The following FOXJ1 variants were observed in gnomAD, a reference collection of about 807,000 sequenced individuals.
The protein encoded by FOXJ1 is forkhead box protein J1.
FOXJ1 carries 8 observed loss-of-function variants against 29.3 expected under a neutral mutation model. That is an observed-to-expected ratio of 0.27 (90% CI 0.16 to 0.49). The LOEUF (loss-of-function observed/expected upper bound fraction) is 0.49, where lower values mean the gene tolerates loss of function less well. FOXJ1 is among the 20% of genes least tolerant of loss of function. The pLI, the probability that FOXJ1 is intolerant of heterozygous loss-of-function variation, is 0.98. For synonymous variants in FOXJ1, 280 were observed against 278.7 expected, an observed-to-expected ratio of 1.00 and a Z score of -0.05; for missense variants, 539 against 595.5, an observed-to-expected ratio of 0.91 and a Z score of 0.99.
Position 76,137,338 on chromosome 17 carries a change from G to T in FOXJ1, c.*15C>A. 1 of 1,469,668 alleles carries T rather than the reference G, an allele frequency of 6.8e-7. No homozygotes were observed. 91.0% of individuals were successfully genotyped at this position (1,469,668 alleles called of 1,614,324 possible). ...GACTTGGGCACTGTCCAGAGGTGGG[G>T]CAGGGCCTGGCCTCTTACAAGAAGG... On this transcript the variant is annotated 3_prime_UTR_variant, in exon 3 of 3. Coordinates refer to ENST00000322957, the MANE Select transcript of FOXJ1 (RefSeq NM_001454.4). This position sits in a 1 kb window ranked among gnomAD's most constrained non-coding sequence, Gnocchi z 9.5.
Position 76,137,089 on chromosome 17 carries a change from G to A in FOXJ1, c.*264C>T, listed in dbSNP as rs558612771. On this transcript the variant is annotated 3_prime_UTR_variant, in exon 3 of 3. Transcript: ENST00000322957. This position sits in a 1 kb window ranked among gnomAD's most constrained non-coding sequence, Gnocchi z 9.5. ...TCCTTTAGCCGGTTTCTGGGGCTGG[G>A]AAGACGCGGAGCAATGAAACACTGT... 2,134 of 368,698 alleles carry A rather than the reference G, an allele frequency of 5.8e-3. 18 individuals carry two copies. The highest frequency in any genetic ancestry group is 0.011 in the Middle Eastern group (16 of 1,454). 22.8% of individuals were successfully genotyped at this position (368,698 alleles called of 1,614,324 possible).
At chr17:76,138,699 T>G (rs992647118) in intron 2 of FOXJ1, among the ~76,000 whole-genome samples, 13 of 152,008 alleles carry the variant, frequency 8.6e-5, no homozygotes, top group African/African-American at 3.1e-4. Flanking sequence ...CCAGGCTCAG[T>G]TGATTATTAC....
In FOXJ1 at chr17:76,137,836, C is replaced by A; in HGVS notation, c.783G>T (p.Ala261=). 2 of 1,594,004 alleles carry A rather than the reference C, an allele frequency of 1.3e-6. No homozygotes were observed. The highest frequency in any genetic ancestry group is 2.3e-5 in the East Asian group (1 of 44,012). ...LREFEEATGE[A]GWGAGEGRLG... ...GCCTGCCCTCGCCTGCACCCCAGCCCGCCTCCCCGGTGGCCTCCTCGAACT... is the reference window on the plus strand; with the variant it reads ...GCCTGCCCTCGCCTGCACCCCAGCCAGCCTCCCCGGTGGCCTCCTCGAACT... Residue 261 remains alanine, a synonymous_variant, in exon 3 of 3, where the codon GCG becomes GCT. Coordinates refer to ENST00000322957, the MANE Select transcript of FOXJ1 (RefSeq NM_001454.4). This position sits in a 1 kb window ranked among gnomAD's most constrained non-coding sequence, Gnocchi z 9.5.
In FOXJ1 at chr17:76,139,353, C is replaced by G. The variant is rs1301740083; in HGVS notation, c.498+545G>C. ...TAGGAAGGCCCCTTACCCCCTCCAC[C>G]CTCCATTGGGACACACCTGGCCCTC... On this transcript the variant is annotated intron_variant, in intron 2 of 2. Transcript: ENST00000322957. The surrounding 1 kb of genome is among the most constrained non-coding windows in gnomAD (Gnocchi z 6.6). 6.6e-6 allele frequency among the ~76,000 whole-genome samples: 1 copy of G among 152,204 alleles called. No individual in the cohort carries two copies. Among genetic ancestry groups the G allele is most frequent in the Non-Finnish European group, 1.5e-5 (1 of 68,026 alleles).
chr17:76,139,537 T>C lies in FOXJ1; in HGVS notation c.498+361A>G, dbSNP rs150582855. On this transcript the variant is annotated intron_variant, in intron 2 of 2. Transcript: ENST00000322957. This position sits in a 1 kb window ranked among gnomAD's most constrained non-coding sequence, Gnocchi z 6.6. ...GGCAGTGTCTAGGAATTCTAGGACT[T>C]GGGACAAGAATGCGCCTTCAGTTCA... Among the ~76,000 whole-genome samples, 1 of 152,286 alleles carries C rather than the reference T, an allele frequency of 6.6e-6. No homozygotes were observed. The highest frequency in any genetic ancestry group is 1.5e-5 in the Non-Finnish European group (1 of 68,012).
rs1326147528 is a variant in FOXJ1, at chr17:76,139,640, G to T, written c.498+258C>A. On this transcript the variant is annotated intron_variant, in intron 2 of 2. Transcript: ENST00000322957. This position sits in a 1 kb window ranked among gnomAD's most constrained non-coding sequence, Gnocchi z 6.6. ...CCTGGGCCTGCTGGATGAATGGCAG[G>T]TTATTTCCCCTTGAATCTCAGCCTC... Among the ~76,000 whole-genome samples the T allele has an allele frequency of 2.0e-5, 3 of 152,156 alleles. No individual in the cohort carries two copies. The highest frequency in any genetic ancestry group is 4.8e-5 in the African/African-American group (2 of 41,428).
rs1171327441 is a variant in FOXJ1, at chr17:76,140,645, C to G, written c.-169-81G>C. On this transcript the variant is annotated intron_variant, in intron 1 of 2. Transcript: ENST00000322957. The surrounding 1 kb of genome is among the most constrained non-coding windows in gnomAD (Gnocchi z 8.0). ...TGTACGGGGACGCCCTCTCTAACAT[C>G]ATCCCCGCAGCTGGGGAGGATCTTT... is the stretch of plus-strand genomic sequence containing the variant. 1 of 450,838 alleles carries G rather than the reference C, an allele frequency of 2.2e-6. No homozygotes were observed. Among genetic ancestry groups the G allele is most frequent in the East Asian group, 3.7e-5 (1 of 27,046 alleles). 27.9% of individuals were successfully genotyped at this position (450,838 alleles called of 1,614,324 possible).
Position 76,137,596 on chromosome 17 carries a change from G to C in FOXJ1, c.1023C>G (p.His341Gln). The change falls in exon 3 of 3, where the codon CAC becomes CAG. Residue 341 changes from histidine to glutamine, a missense_variant. Physicochemically the swap from His to Gln is conservative, Grantham distance 24 (BLOSUM62 0). Around this residue, in one of 3 missense-constraint regions of FOXJ1, gnomAD observed 302 missense variants for 293.6 expected, o/e 1.03. Coordinates refer to ENST00000322957, the MANE Select transcript of FOXJ1 (RefSeq NM_001454.4). The surrounding 1 kb of genome is among the most constrained non-coding windows in gnomAD (Gnocchi z 9.5). ...ELSPPLSPAS[H>Q]VDVDLTIHGR... is the part of the protein sequence containing the mutation. ...CGTGGATGGTGAGGTCCACGTCCACGTGTGAGGCGGGGCTCAGAGGCGGGC... is the reference window on the plus strand; with the variant it reads ...CGTGGATGGTGAGGTCCACGTCCACCTGTGAGGCGGGGCTCAGAGGCGGGC... 6.2e-7 allele frequency: 1 copy of C among 1,602,384 alleles called. No individual in the cohort carries two copies. The highest frequency in any genetic ancestry group is 8.5e-7 in the Non-Finnish European group (1 of 1,173,234).
At chr17:76,138,149 A>G in intron 2 of FOXJ1, 29 bp from the exon 3 acceptor site, 1 of 1,610,970 alleles carries the variant, frequency 6.2e-7, no homozygotes. Context: ...CAAGAGAGAG[A>G]GGAACCGCTA....
At chr17:76,138,242 G>GT in intron 2 of FOXJ1, 122 bp from the exon 3 acceptor site, 2 of 1,085,200 alleles carry the variant, frequency 1.8e-6, no homozygotes, top group African/African-American at 1.6e-5. Flanking sequence ...AGAGGAGGGG[G>GT]GGACAGACAC....
rs903139887 is a variant in FOXJ1 at position 76,139,940 on chromosome 17, C to A, written c.456G>T (p.Thr152=). 23 of 1,610,542 alleles carry A rather than the reference C, an allele frequency of 1.4e-5. No homozygotes were observed. Among genetic ancestry groups the A allele is most frequent in the Non-Finnish European group, 2.0e-5 (23 of 1,178,648 alleles). ...CGTGGCGGAAGTAGCAGAAGTTGTC[C>A]GTGATCCACTTGTAGATGGCCGACA... ...ITLSAIYKWI[T]DNFCYFRHAD... Residue 152 remains threonine (T), a synonymous_variant, in exon 2 of 3, where the codon ACG becomes ACT. Coordinates refer to ENST00000322957, the MANE Select transcript of FOXJ1 (RefSeq NM_001454.4). The surrounding 1 kb of genome is among the most constrained non-coding windows in gnomAD (Gnocchi z 6.6).
In FOXJ1 at chr17:76,138,080, A is replaced by G. The variant is rs1339819547; in HGVS notation, c.539T>C (p.Ile180Thr). ...RHNLSLNKCF[I>T]KVPREKDEPG... Reference sequence around the variant, plus strand: ...TTCGTCCTTCTCCCGAGGCACTTTGATGAAGCACTTGTTCAGAGACAGGTT... The same window carrying G: ...TTCGTCCTTCTCCCGAGGCACTTTGGTGAAGCACTTGTTCAGAGACAGGTT... Residue 180 changes from isoleucine (I) to threonine (T), a missense_variant, in exon 3 of 3, where the codon ATC (isoleucine) becomes ACC (threonine). Ile to Thr is a moderately conservative substitution (Grantham distance 89). Transcript: ENST00000322957. The G allele has an allele frequency of 6.2e-7, 1 of 1,613,812 alleles. No homozygotes were observed. Among genetic ancestry groups the G allele is most frequent in the Non-Finnish European group, 8.5e-7 (1 of 1,180,032 alleles).
In FOXJ1 at chr17:76,139,013, C is replaced by T. The variant is rs1305653983; in HGVS notation, c.498+885G>A. On this transcript the variant is annotated intron_variant, in intron 2 of 2. Coordinates refer to ENST00000322957, the MANE Select transcript of FOXJ1 (RefSeq NM_001454.4). This position sits in a 1 kb window ranked among gnomAD's most constrained non-coding sequence, Gnocchi z 6.6. Reference sequence around the variant, plus strand: ...TACCCAGCCTCAAATCCACCATCCTCCTGCCTTGTCCATTCTTAGGTGCTT... The same window carrying T: ...TACCCAGCCTCAAATCCACCATCCTTCTGCCTTGTCCATTCTTAGGTGCTT... Among the ~76,000 whole-genome samples, 1 of 152,232 alleles carries T rather than the reference C, an allele frequency of 6.6e-6. No individual in the cohort carries two copies. Among genetic ancestry groups the T allele is most frequent in the East Asian group, 1.9e-4 (1 of 5,194 alleles).
chr17:76,138,148 G>A (rs199984608), intron 2 of FOXJ1, 28 bp from the exon 3 acceptor site: 1 of 1,612,052 alleles, frequency 6.2e-7, no homozygotes, highest in Non-Finnish European at 8.5e-7. Context: ...GCAAGAGAGA[G>A]AGGAACCGCT....
Position 76,137,479 on chromosome 17 carries a change from G to T in FOXJ1, c.1140C>A (p.Ser380=). 6.3e-7 allele frequency: 1 copy of T among 1,575,020 alleles called. No individual in the cohort carries two copies. Among genetic ancestry groups the T allele is most frequent in the East Asian group, 2.3e-5 (1 of 42,970 alleles). The change falls in exon 3 of 3, where the codon TCC becomes TCA. Residue 380 remains serine (S), a synonymous_variant. Transcript: ENST00000322957. The surrounding 1 kb of genome is among the most constrained non-coding windows in gnomAD (Gnocchi z 9.5). ...TCTCGTCCCAGGGGTGCTGCAGGAA[G>T]GATGTGGCCAGGAAGGTCTCATCGA... is the stretch of plus-strand genomic sequence containing the variant. The part of the protein sequence containing the change: ...LDFDETFLAT[S]FLQHPWDESG...
chr17:76,137,303 T>G lies in FOXJ1; in HGVS notation c.*50A>C. On this transcript the variant is annotated 3_prime_UTR_variant, in exon 3 of 3. Transcript: ENST00000322957. The surrounding 1 kb of genome is among the most constrained non-coding windows in gnomAD (Gnocchi z 9.5). ...CTGTGGACCTGTGTTGGGGGGCAGT[T>G]CTGGACCCTGACTTGGGCACTGTCC... The G allele has an allele frequency of 7.0e-7, 1 of 1,421,486 alleles. No homozygotes were observed. 88.1% of individuals were successfully genotyped at this position (1,421,486 alleles called of 1,614,324 possible).
At position 76,139,849 on chromosome 17, in the gene FOXJ1, A is replaced by T. The variant is rs759390739; in HGVS notation, c.498+49T>A. 1.3e-6 allele frequency: 2 copies of T among 1,547,840 alleles called. No homozygotes were observed. The highest frequency in any genetic ancestry group is 1.7e-6 in the Non-Finnish European group (2 of 1,144,138). ...GATATGAATCCAGTGCAGCGTGGGG[A>T]GCGAGGAGGGAATGGGGAGGGAGCG... On this transcript the variant is annotated intron_variant, in intron 2 of 2. Coordinates refer to ENST00000322957, the MANE Select transcript of FOXJ1 (RefSeq NM_001454.4). The surrounding 1 kb of genome is among the most constrained non-coding windows in gnomAD (Gnocchi z 6.6).
Position 76,138,812 on chromosome 17 carries a change from C to T in FOXJ1, c.499-692G>A, listed in dbSNP as rs529918031. 5.9e-5 allele frequency among the ~76,000 whole-genome samples: 9 copies of T among 152,258 alleles called. No homozygotes were observed. The East Asian group carries it at 1.5e-3, about 26-fold the overall frequency. On this transcript the variant is annotated intron_variant, in intron 2 of 2. Coordinates refer to ENST00000322957, the MANE Select transcript of FOXJ1 (RefSeq NM_001454.4). ...GTGGGGCTGAGGGTCTCTGCTTTTT[C>T]GGTGCAGCTGCAAATGACCCTGCTC... is the stretch of plus-strand genomic sequence containing the variant.
At chr17:76,138,571 A>AC (rs1339601118) in intron 2 of FOXJ1, among the ~76,000 whole-genome samples, 16 of 151,178 alleles carry the variant, frequency 1.1e-4, no homozygotes, top group African/African-American at 3.2e-4. Context: ...GTGGAGAGGA[A>AC]GGGGGAGAGA....
Sources: gnomAD v4.1 joint callset for allele counts (sites outside exome capture counted in the v4.1 genomes callset) on GRCh38, gnomAD v4.1.1 for gene constraint, gnomAD v4.1.1 regional missense constraint, Gnocchi (gnomAD v3.1) non-coding constraint, MANE v1.5 for transcripts, NCBI Gene and HGNC (gene_info 2026-07-23, HGNC 2026-07-21) for gene names.